The following EHMT1 variants were observed in gnomAD, a reference collection of about 807,000 sequenced individuals.
EHMT1 encodes histone-lysine N-methyltransferase EHMT1.
In EHMT1, 15 loss-of-function variants were observed where a neutral mutation model predicts 147.2. The ratio of observed to expected loss-of-function variants is 0.10; its 90% CI spans 0.07 to 0.16. The LOEUF (loss-of-function observed/expected upper bound fraction) is 0.16, where lower values mean the gene tolerates loss of function less well. Ranked by LOEUF, EHMT1 falls within the 10% of genes least tolerant of loss-of-function variation. The probability of loss-of-function intolerance (pLI) is 1.00; values close to 1 mark genes in which losing one functional copy is unlikely to be tolerated. For missense variants in EHMT1, 1,587 were observed against 1,772.4 expected, an observed-to-expected ratio of 0.90 and a Z score of 1.88; for synonymous variants, 795 against 709.6, an observed-to-expected ratio of 1.12 and a Z score of -1.91.
intron 1 of EHMT1, among the ~76,000 whole-genome samples, chr9:137,644,610 G>A (rs1483270692): frequency 6.6e-6 from 1 of 152,130 alleles, no homozygotes; most frequent in Non-Finnish European, 1.5e-5. Flanking sequence ...ACAGGCGTGA[G>A]CCACCGGGCC....
At position 137,787,935 on chromosome 9, in the gene EHMT1, C is replaced by T. The variant is rs149932003; in HGVS notation, c.2383-2913C>T. The T allele has an allele frequency of 8.3e-3, 12,537 of 1,503,176 alleles. 62 individuals carry two copies. Among genetic ancestry groups the T allele is most frequent in the Non-Finnish European group, 0.01 (10,983 of 1,084,702 alleles). 93.1% of individuals were successfully genotyped at this position (1,503,176 alleles called of 1,614,324 possible). ...TGGCAAGTAGGAGGTGGGCAGCTGC[C>T]CCCAGAGGGAGGCCCTGTGTCCCCC... On this transcript the variant is annotated intron_variant, in intron 15 of 26. Transcript: ENST00000460843. The surrounding 1 kb of genome is among the most constrained non-coding windows in gnomAD (Gnocchi z 4.2).
At chr9:137,827,463 C>T (rs573005125) in intron 25 of EHMT1, among the ~76,000 whole-genome samples, 1 of 152,204 alleles carries the variant, frequency 6.6e-6, no homozygotes, top group Non-Finnish European at 1.5e-5. Context: ...ACCCCAGACC[C>T]CTGTCCACCT....
At chr9:137,826,130 C>CA (rs1255127907) in intron 25 of EHMT1, among the ~76,000 whole-genome samples, 2 of 103,240 alleles carry the variant, frequency 1.9e-5, no homozygotes, top group African/African-American at 7.7e-5. Context: ...GTTGTGTGGT[C>CA]AGTCTGGGTC....
chr9:137,635,632 A>C (rs527811231), intron 1 of EHMT1, among the ~76,000 whole-genome samples: 17 of 151,504 alleles, frequency 1.1e-4, no homozygotes, highest in East Asian at 8.3e-4. Context: ...CATCCTGGCT[A>C]ACATGGTGAA....
At chr9:137,622,884 G>A (rs1004390845) in intron 1 of EHMT1, among the ~76,000 whole-genome samples, 1 of 149,744 alleles carries the variant, frequency 6.7e-6, no homozygotes, top group African/African-American at 2.5e-5. Context: ...TGCAGCCTGG[G>A]TGACAGAGCA....
chr9:137,823,464 T>A (rs1226385462), intron 25 of EHMT1: 2 of 355,526 alleles, frequency 5.6e-6, no homozygotes, highest in Admixed American at 7.2e-5. Context: ...CAGGCTGGAG[T>A]GCAGTGACAC....
intron 7 of EHMT1, 89 bp from the exon 8 acceptor site, chr9:137,754,082 C>G: frequency 6.3e-7 from 1 of 1,592,024 alleles, no homozygotes; most frequent in Non-Finnish European, 8.6e-7. Flanking sequence ...AGCCAGTGTT[C>G]TGTTTTGCAA....
rs1388512556 is a variant in EHMT1, at chr9:137,732,880, C to G, written c.823+4351C>G. The stretch of plus-strand genomic sequence containing the variant: ...GAAAGGCTGAGATTTCTTGTCACGT[C>G]TTTCTGTTAATTTTTAATTACTGTG... On this transcript the variant is annotated intron_variant, in intron 4 of 26. Coordinates refer to ENST00000460843, the MANE Select transcript of EHMT1 (RefSeq NM_024757.5). This position sits in a 1 kb window ranked among gnomAD's most constrained non-coding sequence, Gnocchi z 4.6. Among the ~76,000 whole-genome samples the G allele has an allele frequency of 1.3e-5, 2 of 152,176 alleles. No homozygotes were observed. Among genetic ancestry groups the G allele is most frequent in the African/African-American group, 4.8e-5 (2 of 41,434 alleles).
chr9:137,719,976 G>A (rs1945773309), intron 3 of EHMT1, among the ~76,000 whole-genome samples: 1 of 28,324 alleles, frequency 3.5e-5, no homozygotes, highest in Non-Finnish European at 5.9e-5. Context: ...TCCACACCAG[G>A]ACACAGTCGA....
intron 1 of EHMT1, among the ~76,000 whole-genome samples, chr9:137,627,002 G>C (rs933223844): frequency 3.3e-5 from 5 of 152,048 alleles, no homozygotes; most frequent in Non-Finnish European, 7.4e-5. Context: ...TTGTTGCCTA[G>C]GCTGGAGTGC....
At chr9:137,644,386 G>A (rs957444993) in intron 1 of EHMT1, among the ~76,000 whole-genome samples, 3 of 151,314 alleles carry the variant, frequency 2.0e-5, no homozygotes, top group Non-Finnish European at 2.9e-5. Context: ...GTGCAGTGGC[G>A]TAATTTTGGC....
chr9:137,814,329 C>T, intron 21 of EHMT1, 102 bp from the exon 22 acceptor site: 3 of 1,292,472 alleles, frequency 2.3e-6, no homozygotes, highest in South Asian at 1.2e-5. Context: ...GAAGCACTTA[C>T]CAGAATCAGG....
intron 15 of EHMT1, chr9:137,784,758 G>GAGAGGAA (rs1220121837): frequency 6.5e-6 from 1 of 152,912 alleles, no homozygotes; most frequent in Admixed American, 6.5e-5. Flanking sequence ...CCTGGAGGCT[G>GAGAGGAA]AGAGGAAAGT....
intron 16 of EHMT1, among the ~76,000 whole-genome samples, chr9:137,795,401 G>GCGCACACACACA (rs1554887412): frequency 1.5e-5 from 2 of 130,178 alleles, no homozygotes; most frequent in African/African-American, 2.7e-5. Context: ...ATCGCAGGGT[G>GCGCACACACACA]CACACACACA....
At chr9:137,647,414 G>C (rs1011691705) in intron 1 of EHMT1, among the ~76,000 whole-genome samples, 2 of 152,152 alleles carry the variant, frequency 1.3e-5, no homozygotes, top group Non-Finnish European at 2.9e-5. Context: ...CATTTCCCAG[G>C]AGACGCTGTC....
chr9:137,805,902 C>T (rs1004691522), intron 18 of EHMT1, among the ~76,000 whole-genome samples: 2 of 150,848 alleles, frequency 1.3e-5, no homozygotes, highest in African/African-American at 4.9e-5. Context: ...ACCTCGTGAT[C>T]CACTCACCTT....
At chr9:137,664,120 G>GC (rs1166705088) in intron 1 of EHMT1, among the ~76,000 whole-genome samples, 1 of 151,952 alleles carries the variant, frequency 6.6e-6, no homozygotes, top group African/African-American at 2.4e-5. Context: ...GCCCAGGCTG[G>GC]CCTTGGACTC....
chr9:137,793,553 A>G (rs534944991), intron 16 of EHMT1, among the ~76,000 whole-genome samples: 4 of 152,390 alleles, frequency 2.6e-5, no homozygotes, highest in African/African-American at 9.6e-5. Context: ...TGTATGCCAC[A>G]GGCATGCAAA....
At chr9:137,817,366 C>T in intron 23 of EHMT1, 73 bp from the exon 24 acceptor site, 1 of 1,556,574 alleles carries the variant, frequency 6.4e-7, no homozygotes, top group Non-Finnish European at 8.9e-7. Flanking sequence ...GTGGCACCAG[C>T]TGGCTTTTGC....
Sources: gnomAD v4.1 joint callset for allele counts (sites outside exome capture counted in the v4.1 genomes callset) on GRCh38, gnomAD v4.1.1 for gene constraint, Gnocchi (gnomAD v3.1) non-coding constraint, MANE v1.5 for transcripts, NCBI Gene and HGNC (gene_info 2026-07-23, HGNC 2026-07-21) for gene names.